LPP: variants seen among roughly 807,000 people sequenced by gnomAD.
The protein encoded by LPP is LIM domain containing preferred translocation partner in lipoma.
A neutral mutation model predicts 60.4 loss-of-function variants in LPP; 38 were observed. That is an observed-to-expected ratio of 0.63 (90% CI 0.49 to 0.83). The LOEUF (loss-of-function observed/expected upper bound fraction) is 0.83. Among genes scored for constraint, LPP ranks in the 40% least tolerant of loss-of-function variants. The probability of loss-of-function intolerance (pLI) is 0.00; values close to 1 mark genes in which losing one functional copy is unlikely to be tolerated. For missense variants in LPP, 902 were observed against 783.6 expected (o/e 1.15, Z -1.80); for synonymous variants, 328 against 290.8 (o/e 1.13, Z -1.30).
chr3:188,780,198 C>CA (rs1323186615), intron 9 of LPP, among the ~76,000 whole-genome samples: 1 of 152,102 alleles, frequency 6.6e-6, no homozygotes, highest in African/African-American at 2.4e-5. Context: ...TCCCCTTCTT[C>CA]CAAACTATAT....
At chr3:188,633,607 C>CA (rs1848216611) in intron 7 of LPP, among the ~76,000 whole-genome samples, 2 of 152,026 alleles carry the variant, frequency 1.3e-5, no homozygotes, top group South Asian at 4.2e-4. Flanking sequence ...ATTCTAATGG[C>CA]ATGAGTATAT....
intron 7 of LPP, among the ~76,000 whole-genome samples, chr3:188,611,579 T>C (rs1191287071): frequency 6.6e-6 from 1 of 152,068 alleles, no homozygotes; most frequent in Admixed American, 6.5e-5. Flanking sequence ...GCTGTCAAGG[T>C]TTAAGTTCAA....
At chr3:188,578,592 T>G (rs1252192906) in intron 6 of LPP, among the ~76,000 whole-genome samples, 1 of 151,070 alleles carries the variant, frequency 6.6e-6, no homozygotes. Flanking sequence ...ATCTCTCACT[T>G]TAAGGAAACT....
intron 6 of LPP, among the ~76,000 whole-genome samples, chr3:188,541,670 G>T (rs1252380451): frequency 6.6e-6 from 1 of 152,090 alleles, no homozygotes; most frequent in African/African-American, 2.4e-5. Context: ...GCTGGGAAGG[G>T]CGGATCACCT....
chr3:188,432,509 A>G (rs1791163703), intron 4 of LPP, among the ~76,000 whole-genome samples: 1 of 152,144 alleles, frequency 6.6e-6, no homozygotes, highest in East Asian at 1.9e-4. Flanking sequence ...GTGGATTCAG[A>G]GAGGTCTTTG....
intron 6 of LPP, among the ~76,000 whole-genome samples, chr3:188,577,971 G>C (rs9863582): frequency 0.44 from 66,757 of 151,312 alleles, 14,858 homozygotes; most frequent in Middle Eastern, 0.55. Context: ...ATCTTTCACA[G>C]AATAAACTGT....
chr3:188,509,906 A>T (rs1319892670), intron 5 of LPP, among the ~76,000 whole-genome samples: 1 of 122,966 alleles, frequency 8.1e-6, no homozygotes, highest in Non-Finnish European at 1.6e-5. Flanking sequence ...TTTAGTAGAG[A>T]TGGGGTTTCA....
At chr3:188,316,327 C>A (rs1301506326) in intron 2 of LPP, among the ~76,000 whole-genome samples, 1 of 152,078 alleles carries the variant, frequency 6.6e-6, no homozygotes, top group Non-Finnish European at 1.5e-5. Flanking sequence ...CTATTTCTAG[C>A]TACTTGGGAG....
At chr3:188,476,032 A>AT (rs966726602) in intron 4 of LPP, among the ~76,000 whole-genome samples, 19 of 151,014 alleles carry the variant, frequency 1.3e-4, no homozygotes, top group Non-Finnish European at 8.9e-5. Flanking sequence ...GGCCATTTTC[A>AT]TTTTTTTTTC....
chr3:188,532,199 G>T (rs1280265375), intron 6 of LPP, among the ~76,000 whole-genome samples: 1 of 152,104 alleles, frequency 6.6e-6, no homozygotes, highest in African/African-American at 2.4e-5. Context: ...TTGAGGTCAG[G>T]AGTTTGAGAC....
At chr3:188,819,641 C>T (rs925365418) in intron 9 of LPP, among the ~76,000 whole-genome samples, 4 of 151,930 alleles carry the variant, frequency 2.6e-5, no homozygotes, top group Non-Finnish European at 4.4e-5. Flanking sequence ...GGAGTATGAT[C>T]TTTGACAGAT....
chr3:188,729,312 G>C (rs902096438), intron 8 of LPP, among the ~76,000 whole-genome samples: 1 of 152,210 alleles, frequency 6.6e-6, no homozygotes, highest in Non-Finnish European at 1.5e-5. Flanking sequence ...AGTGATAAAA[G>C]ATCTTGTGTG....
rs745624745 is a variant in LPP at position 188,609,863 on chromosome 3, T to C, written c.1113+19T>C. 3 of 1,594,626 alleles carry C rather than the reference T, an allele frequency of 1.9e-6. No homozygotes were observed. Among genetic ancestry groups the C allele is most frequent in the Non-Finnish European group, 2.6e-6 (3 of 1,171,328 alleles). On this transcript the variant is annotated intron_variant, in intron 7 of 11. Coordinates refer to ENST00000617246, the MANE Select transcript of LPP (RefSeq NM_001375462.1). This position sits in a 1 kb window ranked among gnomAD's most constrained non-coding sequence, Gnocchi z 6.9. ...GCCAAAGGTAAGAAACTCAGTAACA[T>C]AAGGAGGAGAATACAGGGGTGCCTA...
At chr3:188,745,662 C>T (rs1193028688) in intron 8 of LPP, among the ~76,000 whole-genome samples, 1 of 152,088 alleles carries the variant, frequency 6.6e-6, no homozygotes, top group African/African-American at 2.4e-5. Flanking sequence ...AAATTTTTTA[C>T]AAACTTTTTT....
intron 9 of LPP, among the ~76,000 whole-genome samples, chr3:188,790,387 A>G (rs1162421258): frequency 1.3e-5 from 2 of 152,028 alleles, no homozygotes; most frequent in South Asian, 2.1e-4. Flanking sequence ...GGCATGTATA[A>G]GCAATCTGAT....
intron 6 of LPP, among the ~76,000 whole-genome samples, chr3:188,581,156 T>C (rs1580142828): frequency 6.6e-6 from 1 of 152,154 alleles, no homozygotes; most frequent in Non-Finnish European, 1.5e-5. Context: ...TCTACAGAAT[T>C]TAAATCTGTG....
intron 2 of LPP, among the ~76,000 whole-genome samples, chr3:188,271,840 A>G (rs1174055627): frequency 6.6e-6 from 1 of 152,186 alleles, no homozygotes; most frequent in Non-Finnish European, 1.5e-5. Flanking sequence ...TTGGGCTTTA[A>G]TGGCAGCTGA....
At chr3:188,179,661 C>G in intron 1 of LPP, 1 of 369,008 alleles carries the variant, frequency 2.7e-6, no homozygotes, top group Non-Finnish European at 5.4e-6. Flanking sequence ...TGAGCTTCAG[C>G]AAGCCTCTCT....
chr3:188,691,597 A>G (rs1862140592), intron 7 of LPP, among the ~76,000 whole-genome samples: 1 of 152,232 alleles, frequency 6.6e-6, no homozygotes, highest in Non-Finnish European at 1.5e-5. Flanking sequence ...ATTTGTTGCA[A>G]GAAACATGTG....
Sources: gnomAD v4.1 joint callset for allele counts (sites outside exome capture counted in the v4.1 genomes callset) on GRCh38, gnomAD v4.1.1 for gene constraint, Gnocchi (gnomAD v3.1) non-coding constraint, MANE v1.5 for transcripts, NCBI Gene and HGNC (gene_info 2026-07-23, HGNC 2026-07-21) for gene names.